The following LRP1B variants were observed in gnomAD, a reference collection of about 807,000 sequenced individuals.
LRP1B encodes low-density lipoprotein receptor-related protein 1B.
A neutral mutation model predicts 556.6 loss-of-function variants in LRP1B; 217 were observed. The ratio of observed to expected loss-of-function variants is 0.39; its 90% confidence interval spans 0.35 to 0.44. LRP1B has a LOEUF of 0.44. Ranked by LOEUF, LRP1B falls within the 20% of genes least tolerant of loss-of-function variation. The pLI is 1.00. For missense variants in LRP1B, 5,053 were observed against 5,620.8 expected, an observed-to-expected ratio of 0.90 and a Z score of 3.23; for synonymous variants, 2,047 against 1,865.8, an observed-to-expected ratio of 1.10 and a Z score of -2.50.
At chr2:140,722,234 T>C (rs1208123631) in intron 35 of LRP1B, among the ~76,000 whole-genome samples, 1 of 152,216 alleles carries the variant, frequency 6.6e-6, no homozygotes, top group African/African-American at 2.4e-5. Flanking sequence ...TATTTATCCA[T>C]TTTGAACATT....
At chr2:140,260,178 A>C (rs928192575) in intron 86 of LRP1B, among the ~76,000 whole-genome samples, 6 of 151,966 alleles carry the variant, frequency 3.9e-5, no homozygotes, top group Non-Finnish European at 7.4e-5. Context: ...GCAATAATAT[A>C]TATTATAAGG....
chr2:140,689,864 C>A (rs1278617916), intron 41 of LRP1B, among the ~76,000 whole-genome samples: 2 of 152,172 alleles, frequency 1.3e-5, no homozygotes, highest in African/African-American at 4.8e-5. Flanking sequence ...TCTGATTCTG[C>A]AAACAGAAAC....
chr2:140,570,302 A>C (rs1477697125), intron 43 of LRP1B, among the ~76,000 whole-genome samples: 1 of 151,670 alleles, frequency 6.6e-6, no homozygotes, highest in African/African-American at 2.4e-5. Flanking sequence ...AACCAGGAAA[A>C]AAAAACAAAA....
At chr2:140,372,875 G>T in intron 69 of LRP1B, 133 bp downstream of exon 69, 1 of 914,354 alleles carries the variant, frequency 1.1e-6, no homozygotes, top group Non-Finnish European at 1.7e-6. Context: ...TTTATCCACA[G>T]ATTTGCAGAC....
intron 11 of LRP1B, among the ~76,000 whole-genome samples, chr2:141,034,810 G>T (rs1340886105): frequency 4.0e-5 from 6 of 149,172 alleles, no homozygotes; most frequent in African/African-American, 1.3e-4. Context: ...GATTCCTCAG[G>T]GATCTAGAAG....
At chr2:141,580,940 G>T (rs1404545473) in intron 2 of LRP1B, among the ~76,000 whole-genome samples, 3 of 152,126 alleles carry the variant, frequency 2.0e-5, no homozygotes, top group African/African-American at 7.2e-5. Flanking sequence ...AAACTCATCA[G>T]ATCTGACTGT....
chr2:141,010,243 A>G (rs958800217), intron 14 of LRP1B, among the ~76,000 whole-genome samples: 4 of 152,096 alleles, frequency 2.6e-5, no homozygotes, highest in African/African-American at 9.6e-5. Flanking sequence ...GAAAATAAAA[A>G]GGAAAGTCTG....
intron 77 of LRP1B, among the ~76,000 whole-genome samples, chr2:140,338,673 T>A (rs1681220286): frequency 6.6e-6 from 1 of 151,680 alleles, no homozygotes; most frequent in Admixed American, 6.6e-5. Flanking sequence ...ACACAATTTA[T>A]TTAAGGAGAG....
chr2:141,646,610 A>G (rs1351577081), intron 2 of LRP1B, among the ~76,000 whole-genome samples: 1 of 152,176 alleles, frequency 6.6e-6, no homozygotes, highest in Non-Finnish European at 1.5e-5. Flanking sequence ...CCCACCAAGA[A>G]GTTTATAATT....
chr2:141,681,684 AG>A (rs1691110588), intron 2 of LRP1B, among the ~76,000 whole-genome samples: 2 of 152,178 alleles, frequency 1.3e-5, no homozygotes, highest in African/African-American at 4.8e-5. Flanking sequence ...TAAGGATATA[AG>A]ATGCAGCCGA....
At chr2:140,632,379 G>C (rs558389638) in intron 41 of LRP1B, among the ~76,000 whole-genome samples, 1 of 151,936 alleles carries the variant, frequency 6.6e-6, no homozygotes, top group African/African-American at 2.4e-5. Flanking sequence ...GAAGAAATAG[G>C]GAAAACTCTG....
At chr2:140,821,789 C>T (rs932815166) in intron 31 of LRP1B, among the ~76,000 whole-genome samples, 8 of 152,258 alleles carry the variant, frequency 5.3e-5, no homozygotes, top group Admixed American at 2.0e-4. Context: ...AATCCCAGCA[C>T]TTTGTGAGGC....
In LRP1B at chr2:141,438,337, A is replaced by G. The variant is rs58650782; in HGVS notation, c.343+42059T>C. 4.5e-3 allele frequency among the ~76,000 whole-genome samples: 677 copies of G among 151,340 alleles called. 4 individuals carry two copies. The highest frequency in any genetic ancestry group is 0.016 in the African/African-American group (633 of 40,712). Reference sequence around the variant, plus strand: ...TTGAAACACAATAACCCATTCATTCATTCACTCACTCACTCATTCATTCAT... The same window carrying G: ...TTGAAACACAATAACCCATTCATTCGTTCACTCACTCACTCATTCATTCAT... On this transcript the variant is annotated intron_variant, in intron 3 of 90. Transcript: ENST00000389484.
At chr2:141,217,127 A>T (rs1682847125) in intron 6 of LRP1B, among the ~76,000 whole-genome samples, 2 of 152,070 alleles carry the variant, frequency 1.3e-5, no homozygotes, top group African/African-American at 4.8e-5. Flanking sequence ...TTAAATTGTA[A>T]TCTCCAACGT....
At chr2:140,483,579 T>TATAC (rs200559665) in intron 59 of LRP1B, among the ~76,000 whole-genome samples, 4,614 of 142,366 alleles carry the variant, frequency 0.032, 111 homozygotes, top group Non-Finnish European at 0.045. Context: ...TATATATATG[T>TATAC]ACACACACAT....
chr2:140,330,676 G>C (rs1680759980), intron 79 of LRP1B, among the ~76,000 whole-genome samples: 1 of 146,544 alleles, frequency 6.8e-6, no homozygotes, highest in African/African-American at 2.5e-5. Flanking sequence ...ACGATTTCAT[G>C]ATGAAGATGC....
intron 7 of LRP1B, among the ~76,000 whole-genome samples, chr2:141,092,800 G>A (rs376735782): frequency 1.2e-4 from 19 of 152,134 alleles, no homozygotes; most frequent in African/African-American, 3.9e-4. Flanking sequence ...GAGTTCAAGC[G>A]TTCGAGATGT....
At chr2:141,872,313 A>G (rs1375478636) in intron 1 of LRP1B, among the ~76,000 whole-genome samples, 2 of 152,004 alleles carry the variant, frequency 1.3e-5, no homozygotes, top group Non-Finnish European at 2.9e-5. Flanking sequence ...TGTGATATAA[A>G]CGTTGACTGG....
rs563524207 is a variant in LRP1B, at chr2:140,951,908, C to A, written c.2920G>T (p.Val974Leu). 1.2e-6 allele frequency: 2 copies of A among 1,613,920 alleles called. No homozygotes were observed. Among genetic ancestry groups the A allele is most frequent in the South Asian group, 2.2e-5 (2 of 91,078 alleles). The change falls in exon 19 of 91, where the codon GTA (valine) becomes TTA (leucine). Residue 974 changes from valine to leucine, a missense_variant. Around this residue, in one of 5 missense-constraint regions of LRP1B, gnomAD observed 3,619 missense variants for 3,931.9 expected, o/e 0.92. Coordinates refer to ENST00000389484, the MANE Select transcript of LRP1B (RefSeq NM_018557.3). ...CTAATGCATCTTCCACTTTTGCATACGAATTGGGTTAGTGGCTCACAAGTT... is the reference window on the plus strand; with the variant it reads ...CTAATGCATCTTCCACTTTTGCATAAGAATTGGGTTAGTGGCTCACAAGTT... ...FPTCEPLTQF[V>L]CKSGRCISSK...
Sources: allele counts gnomAD v4.1 joint callset (sites outside exome capture counted in the v4.1 genomes callset), GRCh38; gene constraint gnomAD v4.1.1; regional missense constraint gnomAD v4.1.1; transcripts MANE v1.5; gene names NCBI Gene and HGNC (gene_info 2026-07-23, HGNC 2026-07-21).